The following ESRRB variants were observed in gnomAD, a reference collection of about 807,000 sequenced individuals.
ESRRB encodes the protein steroid hormone receptor ERR2.
Under a neutral mutation model 46.0 loss-of-function variants are expected in ESRRB, and 16 were observed. The ratio of observed to expected loss-of-function variants is 0.35; its 90% CI spans 0.24 to 0.53. ESRRB has a LOEUF of 0.53. Ranked by LOEUF, ESRRB falls within the 20% of genes least tolerant of loss-of-function variation. The pLI, the probability that ESRRB is intolerant of heterozygous loss-of-function variation, is 0.93. For synonymous variants in ESRRB, 246 were observed against 259.6 expected (o/e 0.95, Z 0.50); for missense variants, 488 against 607.4 (o/e 0.80, Z 2.07).
At chr14:76,409,044 C>T (rs1886321138) in intron 1 of ESRRB, among the ~76,000 whole-genome samples, 1 of 152,160 alleles carries the variant, frequency 6.6e-6, no homozygotes, top group African/African-American at 2.4e-5. Context: ...ATCCACTCAC[C>T]AATGGGCACT....
chr14:76,448,818 A>T (rs1275805059), intron 2 of ESRRB, among the ~76,000 whole-genome samples: 1 of 152,190 alleles, frequency 6.6e-6, no homozygotes, highest in Admixed American at 6.5e-5. Context: ...ATCTAGGTAA[A>T]ATAGTCAGAT....
chr14:76,463,441 C>CTTTGTTTTTTTTTTTTTT (rs1888961287), intron 3 of ESRRB: 5 of 110,418 alleles, frequency 4.5e-5, no homozygotes, highest in South Asian at 2.6e-4. Context: ...TCACATGCTT[C>CTTTGTTTTTTTTTTTTTT]TTTGTTTTTT....
chr14:76,327,149 G>A (rs1323356915), intron 1 of ESRRB, among the ~76,000 whole-genome samples: 1 of 152,244 alleles, frequency 6.6e-6, no homozygotes, highest in Non-Finnish European at 1.5e-5. Flanking sequence ...CTGTGCCAAT[G>A]GTTGCCAAGG....
At chr14:76,349,338 T>C (rs778299729) in intron 1 of ESRRB, among the ~76,000 whole-genome samples, 1 of 152,110 alleles carries the variant, frequency 6.6e-6, no homozygotes, top group Non-Finnish European at 1.5e-5. Context: ...AAAGGCAAGA[T>C]CTCAGTGGCT....
intron 3 of ESRRB, among the ~76,000 whole-genome samples, chr14:76,468,192 C>CT (rs1055436923): frequency 2.6e-5 from 4 of 152,146 alleles, no homozygotes; most frequent in African/African-American, 9.7e-5. Context: ...AGAAATATCA[C>CT]TTTTTTTCTG....
chr14:76,313,098 C>T (rs933524894), intron 1 of ESRRB, among the ~76,000 whole-genome samples: 6 of 152,062 alleles, frequency 3.9e-5, no homozygotes, highest in South Asian at 2.1e-4. Flanking sequence ...CCCTGGGCTA[C>T]GTGTAGATCC....
upstream of ESRRB, among the ~76,000 whole-genome samples, chr14:76,375,102 A>C (rs1884717119): frequency 6.6e-6 from 1 of 152,022 alleles, no homozygotes; most frequent in Non-Finnish European, 1.5e-5. Flanking sequence ...TAGGAGAATA[A>C]GGTGGTGGTG....
intron 1 of ESRRB, among the ~76,000 whole-genome samples, chr14:76,333,118 AAT>A (rs1210094183): frequency 0.014 from 153 of 10,868 alleles, 39 homozygotes; most frequent in African/African-American, 0.033. Flanking sequence ...TATAATATAT[AAT>A]ATATATATTA....
intron 1 of ESRRB, among the ~76,000 whole-genome samples, chr14:76,351,177 G>A (rs1356537288): frequency 6.6e-6 from 1 of 152,128 alleles, no homozygotes; most frequent in Non-Finnish European, 1.5e-5. Context: ...CCCCATGAAT[G>A]GAAAAGAATT....
At chr14:76,316,892 T>C (rs973463260) in intron 1 of ESRRB, among the ~76,000 whole-genome samples, 3 of 152,208 alleles carry the variant, frequency 2.0e-5, no homozygotes, top group Non-Finnish European at 4.4e-5. Context: ...TTCCCTCATT[T>C]GTCATGCTCT....
At position 76,347,500 on chromosome 14, in the gene ESRRB, C is replaced by T. The variant is rs1213869117; in HGVS notation, c.2+36584C>T. Among the ~76,000 whole-genome samples, 2 of 33,318 alleles carry T rather than the reference C, an allele frequency of 6.0e-5. 1 individual carries two copies. The highest frequency in any genetic ancestry group is 1.1e-3 in the Admixed American group (2 of 1,756). The allele number at this position is 33,318 out of a possible 152,430, so 21.9% of individuals were successfully genotyped here. ...GTAACACTTAGCACAGAATGGGGGG[C>T]CCAATACTCTAAGCTACTATTATGG... On this transcript the variant is annotated intron_variant, in intron 1 of 6. Transcript: ENST00000512784.
At chr14:76,392,510 A>G (rs1885510240) in intron 1 of ESRRB, among the ~76,000 whole-genome samples, 1 of 152,198 alleles carries the variant, frequency 6.6e-6, no homozygotes, top group Non-Finnish European at 1.5e-5. Flanking sequence ...AAGAGCCAGG[A>G]TGCATGTCCA....
chr14:76,328,328 G>A (rs981658315), intron 1 of ESRRB, among the ~76,000 whole-genome samples: 7 of 152,228 alleles, frequency 4.6e-5, no homozygotes, highest in Non-Finnish European at 1.0e-4. Flanking sequence ...AGGAAAGAGA[G>A]GAAGCAGTTA....
At chr14:76,350,024 G>C (rs1884295241) in intron 1 of ESRRB, among the ~76,000 whole-genome samples, 1 of 152,162 alleles carries the variant, frequency 6.6e-6, no homozygotes, top group Admixed American at 6.5e-5. Context: ...TGGGAGACAA[G>C]TATTCTTTTA....
chr14:76,341,961 T>C (rs1884196698), intron 1 of ESRRB, among the ~76,000 whole-genome samples: 1 of 152,212 alleles, frequency 6.6e-6, no homozygotes, highest in African/African-American at 2.4e-5. Context: ...AGAGTCCACA[T>C]GTCCCTGAGA....
At chr14:76,439,049 C>T (rs752324803) in intron 1 of ESRRB, among the ~76,000 whole-genome samples, 15 of 152,016 alleles carry the variant, frequency 9.9e-5, no homozygotes, top group Non-Finnish European at 1.5e-4. Context: ...TGATCCTCCC[C>T]GCTCAGCCTC....
chr14:76,499,167 G>A lies in ESRRB; in HGVS notation c.*709G>A, dbSNP rs988959419. On this transcript the variant is annotated 3_prime_UTR_variant, in exon 7 of 7. Coordinates refer to ENST00000644823, the MANE Select transcript of ESRRB (RefSeq NM_001379180.1). ...CTTCTCCTCCCCCCGGGAGTCCCCCGCTACTTCCTGACCCTACCTCAGAGC... is the reference window on the plus strand; with the variant it reads ...CTTCTCCTCCCCCCGGGAGTCCCCCACTACTTCCTGACCCTACCTCAGAGC... The A allele has an allele frequency of 2.6e-5, 8 of 305,832 alleles. No individual in the cohort carries two copies. Among genetic ancestry groups the A allele is most frequent in the Admixed American group, 4.7e-5 (1 of 21,342 alleles). 18.9% of individuals were successfully genotyped at this position (305,832 alleles called of 1,614,324 possible).
At chr14:76,492,868 C>A (rs1335235595) in intron 6 of ESRRB, among the ~76,000 whole-genome samples, 2 of 152,148 alleles carry the variant, frequency 1.3e-5, no homozygotes, top group African/African-American at 4.8e-5. Context: ...AACCAACATC[C>A]ACACTTAGAG....
chr14:76,393,131 CT>C (rs1885533687), intron 1 of ESRRB, among the ~76,000 whole-genome samples: 1 of 152,216 alleles, frequency 6.6e-6, no homozygotes, highest in South Asian at 2.1e-4. Context: ...CACACCTGGA[CT>C]TGGGTTTGTG....
Sources: allele counts gnomAD v4.1 joint callset (sites outside exome capture counted in the v4.1 genomes callset), GRCh38; gene constraint gnomAD v4.1.1; transcripts MANE v1.5; gene names NCBI Gene and HGNC (gene_info 2026-07-23, HGNC 2026-07-21).